TSHZ3: variants seen among roughly 807,000 people sequenced by gnomAD.
The protein encoded by TSHZ3 is teashirt zinc finger homeobox 3, also known as teashirt homolog 3.
In TSHZ3, 10 loss-of-function variants were observed where a neutral mutation model predicts 64.5. That is an observed-to-expected ratio of 0.16 (90% CI 0.10 to 0.26). The LOEUF is 0.26. TSHZ3 is among the 10% of genes least tolerant of loss of function. TSHZ3 has a pLI of 1.00. For missense variants in TSHZ3, 1,242 were observed against 1,421.7 expected (o/e 0.87, Z 2.03); for synonymous variants, 608 against 593.1 (o/e 1.03, Z -0.36).
At chr19:31,197,230 A>C (rs993295653) in intron 5 of TSHZ3, among the ~76,000 whole-genome samples, 1 of 151,982 alleles carries the variant, frequency 6.6e-6, no homozygotes. Flanking sequence ...AATAAATATC[A>C]AGAGAAATTT....
intron 1 of TSHZ3, among the ~76,000 whole-genome samples, chr19:31,319,046 G>C (rs1245863011): frequency 6.6e-6 from 1 of 152,208 alleles, no homozygotes; most frequent in Non-Finnish European, 1.5e-5. Flanking sequence ...GGAGACCAGG[G>C]ACCTGAGAAG....
chr19:31,332,621 T>C (rs1917127118), intron 1 of TSHZ3, among the ~76,000 whole-genome samples: 1 of 151,982 alleles, frequency 6.6e-6, no homozygotes, highest in Admixed American at 6.6e-5. Flanking sequence ...GGGACTCCAG[T>C]TTAGGGGACT....
At chr19:31,225,188 C>T (rs962863989) in intron 4 of TSHZ3, among the ~76,000 whole-genome samples, 1 of 152,168 alleles carries the variant, frequency 6.6e-6, no homozygotes, top group Non-Finnish European at 1.5e-5. Context: ...TTCAGGTGCC[C>T]ATAGAGCATG....
chr19:31,182,621 A>G (rs1974734755), intron 5 of TSHZ3, among the ~76,000 whole-genome samples: 2 of 152,216 alleles, frequency 1.3e-5, no homozygotes, highest in Non-Finnish European at 2.9e-5. Flanking sequence ...AGGAGAAGCT[A>G]GCTGGTGTTT....
At chr19:31,184,899 G>A (rs1156465685) in intron 5 of TSHZ3, among the ~76,000 whole-genome samples, 1 of 152,190 alleles carries the variant, frequency 6.6e-6, no homozygotes, top group African/African-American at 2.4e-5. Context: ...AGCAGAATGA[G>A]AAGGGAGAAG....
intron 5 of TSHZ3, among the ~76,000 whole-genome samples, chr19:31,185,506 G>A (rs78380904): frequency 0.025 from 3,783 of 152,292 alleles, 78 homozygotes; most frequent in Middle Eastern, 0.037. Context: ...GGATGAGGAG[G>A]AGCCTGCAGA....
intron 4 of TSHZ3, among the ~76,000 whole-genome samples, chr19:31,226,973 C>CTTTTTTTTTTTTTTTTTTTTTTTTTT (rs1255178594): frequency 1.5e-5 from 1 of 68,156 alleles, no homozygotes; most frequent in African/African-American, 9.0e-5. Context: ...TTCTTTCTTT[C>CTTTTTTTTTTTTTTTTTTTTTTTTTT]TTTCTTTTTT....
At chr19:31,185,867 C>T (rs1051002367) in intron 5 of TSHZ3, among the ~76,000 whole-genome samples, 4 of 152,108 alleles carry the variant, frequency 2.6e-5, no homozygotes, top group Non-Finnish European at 5.9e-5. Context: ...TTCTGGTTTC[C>T]ATTTCTAACT....
chr19:31,150,521 G>A (rs1009301343), exon 7 of TSHZ3, among the ~76,000 whole-genome samples: 4 of 152,150 alleles, frequency 2.6e-5, no homozygotes, highest in African/African-American at 7.2e-5. Flanking sequence ...TTGGCCTTTG[G>A]GGATACCCTG....
At chr19:31,214,122 T>C (rs1221054163) in intron 4 of TSHZ3, among the ~76,000 whole-genome samples, 2 of 152,172 alleles carry the variant, frequency 1.3e-5, no homozygotes, top group Non-Finnish European at 2.9e-5. Flanking sequence ...CCAAATGAGG[T>C]TGAACAAACC....
intron 5 of TSHZ3, among the ~76,000 whole-genome samples, chr19:31,160,685 C>A (rs1450445380): frequency 6.6e-6 from 1 of 151,982 alleles, no homozygotes; most frequent in African/African-American, 2.4e-5. Flanking sequence ...TACACACAGA[C>A]ACACATGCAT....
chr19:31,213,742 G>A (rs1975291590), intron 4 of TSHZ3, among the ~76,000 whole-genome samples: 1 of 152,138 alleles, frequency 6.6e-6, no homozygotes, highest in Non-Finnish European at 1.5e-5. Flanking sequence ...AGAAAAAAAC[G>A]CAATGGAGGA....
At chr19:31,200,728 G>T (rs1975070716) in intron 5 of TSHZ3, among the ~76,000 whole-genome samples, 1 of 152,100 alleles carries the variant, frequency 6.6e-6, no homozygotes, top group African/African-American at 2.4e-5. Context: ...TATGGACTCT[G>T]GGTGGTGACG....
At chr19:31,281,062 A>G (rs1241059369) in intron 1 of TSHZ3, among the ~76,000 whole-genome samples, 1 of 152,160 alleles carries the variant, frequency 6.6e-6, no homozygotes, top group African/African-American at 2.4e-5. Flanking sequence ...GTTTGCTTCA[A>G]AAGGCCAGTG....
chr19:31,321,385 C>T (rs897012174), intron 1 of TSHZ3, among the ~76,000 whole-genome samples: 4 of 152,222 alleles, frequency 2.6e-5, no homozygotes, highest in East Asian at 1.9e-4. Flanking sequence ...TGCCCGGTGG[C>T]GTCATCACAT....
At chr19:31,282,730 G>A (rs1976385652) in intron 1 of TSHZ3, among the ~76,000 whole-genome samples, 1 of 152,162 alleles carries the variant, frequency 6.6e-6, no homozygotes, top group South Asian at 2.1e-4. Flanking sequence ...TGACTGAGGA[G>A]GAAATTAATA....
At chr19:31,195,374 A>T (rs937931268) in intron 5 of TSHZ3, among the ~76,000 whole-genome samples, 5 of 152,158 alleles carry the variant, frequency 3.3e-5, no homozygotes, top group Non-Finnish European at 7.4e-5. Context: ...ACCTATAGAG[A>T]AGCAAAAATA....
At chr19:31,211,781 C>T (rs1975261692) in intron 4 of TSHZ3, among the ~76,000 whole-genome samples, 1 of 152,078 alleles carries the variant, frequency 6.6e-6, no homozygotes, top group Admixed American at 6.5e-5. Context: ...CAGCATGAGC[C>T]CTTTGGCCTG....
intron 1 of TSHZ3, among the ~76,000 whole-genome samples, chr19:31,259,520 T>G (rs1975957586): frequency 6.6e-6 from 1 of 152,052 alleles, no homozygotes; most frequent in South Asian, 2.1e-4. Flanking sequence ...GGTCGTTCCC[T>G]GCTAGGCACA....
Sources: gnomAD v4.1 joint callset for allele counts (sites outside exome capture counted in the v4.1 genomes callset) on GRCh38, gnomAD v4.1.1 for gene constraint, MANE v1.5 for transcripts, NCBI Gene and HGNC (gene_info 2026-07-23, HGNC 2026-07-21) for gene names.